CSMD1: variants seen among roughly 807,000 people sequenced by gnomAD.
CSMD1 encodes CUB and sushi domain-containing protein 1.
Under a neutral mutation model 417.5 loss-of-function variants are expected in CSMD1, and 213 were observed. The ratio of observed to expected loss-of-function variants is 0.51; its 90% confidence interval spans 0.46 to 0.57. The LOEUF is 0.57. CSMD1 is among the 20% of genes least tolerant of loss of function. The pLI is 0.00. For missense variants in CSMD1, 6,923 were observed against 4,529.7 expected, an observed-to-expected ratio of 1.53 and a Z score of -15.17; for synonymous variants, 2,862 against 1,736.8, an observed-to-expected ratio of 1.65 and a Z score of -16.11.
At chr8:3,743,049 T>C (rs1202656380) in intron 6 of CSMD1, among the ~76,000 whole-genome samples, 1 of 152,202 alleles carries the variant, frequency 6.6e-6, no homozygotes, top group Non-Finnish European at 1.5e-5. Context: ...TTGACCGCCA[T>C]GGTCCCTGTA....
At chr8:4,572,523 A>C (rs1346576758) in intron 2 of CSMD1, among the ~76,000 whole-genome samples, 2 of 152,154 alleles carry the variant, frequency 1.3e-5, no homozygotes, top group African/African-American at 4.8e-5. Context: ...TGGGTAACCC[A>C]ACCTTTCTCT....
At chr8:4,704,045 G>C (rs1409797237) in intron 1 of CSMD1, among the ~76,000 whole-genome samples, 1 of 152,188 alleles carries the variant, frequency 6.6e-6, no homozygotes, top group Non-Finnish European at 1.5e-5. Context: ...AGGCAGTAAT[G>C]CTGGTTCCCT....
chr8:3,829,816 T>G (rs1481811529), intron 5 of CSMD1, among the ~76,000 whole-genome samples: 2 of 152,290 alleles, frequency 1.3e-5, no homozygotes, highest in Admixed American at 6.5e-5. Flanking sequence ...CTTTGGCCAC[T>G]GAATAAGTTC....
intron 1 of CSMD1, among the ~76,000 whole-genome samples, chr8:4,748,249 C>T (rs1016810434): frequency 5.3e-5 from 8 of 152,144 alleles, no homozygotes; most frequent in Non-Finnish European, 7.3e-5. Context: ...TTCAAGCAAC[C>T]GATTACAATC....
intron 41 of CSMD1, among the ~76,000 whole-genome samples, chr8:3,123,009 G>A (rs958968483): frequency 4.6e-5 from 7 of 152,306 alleles, no homozygotes; most frequent in African/African-American, 1.7e-4. Flanking sequence ...AAACCCCTAT[G>A]AAACAATTAT....
intron 3 of CSMD1, among the ~76,000 whole-genome samples, chr8:4,296,890 T>A (rs1352053328): frequency 6.6e-6 from 1 of 152,126 alleles, no homozygotes; most frequent in African/African-American, 2.4e-5. Flanking sequence ...TTAAAAATGC[T>A]CATCTCATGG....
intron 3 of CSMD1, among the ~76,000 whole-genome samples, chr8:4,283,358 C>T (rs1438974300): frequency 2.0e-5 from 3 of 152,296 alleles, no homozygotes; most frequent in East Asian, 3.9e-4. Flanking sequence ...ATGCGAACAT[C>T]TTTGCCATCT....
intron 5 of CSMD1, among the ~76,000 whole-genome samples, chr8:3,954,770 T>C (rs527450510): frequency 6.6e-6 from 1 of 151,764 alleles, no homozygotes; most frequent in Admixed American, 6.6e-5. Flanking sequence ...GCATGCGTAA[T>C]GTGGCAGGGA....
intron 5 of CSMD1, among the ~76,000 whole-genome samples, chr8:3,776,720 T>C (rs962368426): frequency 3.3e-5 from 5 of 151,468 alleles, no homozygotes; most frequent in East Asian, 1.9e-4. Context: ...AGATGATAGA[T>C]ACATTAGGTA....
chr8:3,054,656 C>G (rs2128990727), intron 49 of CSMD1, among the ~76,000 whole-genome samples: 1 of 152,218 alleles, frequency 6.6e-6, no homozygotes, highest in Non-Finnish European at 1.5e-5. Context: ...TGTGTGTGCA[C>G]ATGCATATTT....
At chr8:4,440,759 G>C (rs1416648964) in intron 2 of CSMD1, among the ~76,000 whole-genome samples, 1 of 152,066 alleles carries the variant, frequency 6.6e-6, no homozygotes, top group African/African-American at 2.4e-5. Flanking sequence ...ATTTTGGGAG[G>C]CCAGTGCGAG....
chr8:3,708,048 C>T (rs1411461822), intron 7 of CSMD1, among the ~76,000 whole-genome samples: 1 of 152,180 alleles, frequency 6.6e-6, no homozygotes, highest in Non-Finnish European at 1.5e-5. Flanking sequence ...AAGACAAAAA[C>T]CAACTTCTCC....
At chr8:3,394,279 A>G (rs774084248) in intron 17 of CSMD1, among the ~76,000 whole-genome samples, 3 of 147,414 alleles carry the variant, frequency 2.0e-5, no homozygotes, top group Non-Finnish European at 4.5e-5. Context: ...TCCATATTTT[A>G]TAATAATAAA....
At chr8:3,869,092 G>A (rs1004230477) in intron 5 of CSMD1, among the ~76,000 whole-genome samples, 3 of 152,170 alleles carry the variant, frequency 2.0e-5, no homozygotes, top group Non-Finnish European at 2.9e-5. Context: ...GGGACCTGGT[G>A]TCTAGTGTCA....
At chr8:3,318,819 G>C (rs1356081677) in intron 23 of CSMD1, among the ~76,000 whole-genome samples, 1 of 152,270 alleles carries the variant, frequency 6.6e-6, no homozygotes, top group South Asian at 2.1e-4. Flanking sequence ...CACACACCAA[G>C]AAATAAATGC....
chr8:4,584,234 C>T (rs888975761), intron 2 of CSMD1, among the ~76,000 whole-genome samples: 29 of 152,106 alleles, frequency 1.9e-4, no homozygotes, highest in Admixed American at 3.9e-4. Flanking sequence ...CCACCAATTC[C>T]GGACACATTT....
intron 3 of CSMD1, among the ~76,000 whole-genome samples, chr8:4,137,898 G>T (rs1007420610): frequency 9.9e-5 from 15 of 151,666 alleles, no homozygotes; most frequent in Non-Finnish European, 2.1e-4. Context: ...ATTTACTTGA[G>T]ATGAAGTCTC....
At chr8:3,327,411 G>C (rs1002328863) in intron 23 of CSMD1, among the ~76,000 whole-genome samples, 2 of 152,144 alleles carry the variant, frequency 1.3e-5, no homozygotes, top group African/African-American at 4.8e-5. Flanking sequence ...GGGATTACAG[G>C]CATGAGCCAC....
At chr8:3,861,822 T>C (rs932094069) in intron 5 of CSMD1, among the ~76,000 whole-genome samples, 11 of 152,218 alleles carry the variant, frequency 7.2e-5, no homozygotes, top group African/African-American at 2.4e-4. Context: ...CGATTACAGA[T>C]GTGACCTATG....
Sources: allele counts gnomAD v4.1 joint callset (sites outside exome capture counted in the v4.1 genomes callset), GRCh38; gene constraint gnomAD v4.1.1; transcripts MANE v1.5; gene names NCBI Gene and HGNC (gene_info 2026-07-23, HGNC 2026-07-21).